The following ANO3 variants were observed in gnomAD, a reference collection of about 807,000 sequenced individuals.
ANO3 encodes the protein anoctamin-3.
Under a neutral mutation model 144.8 loss-of-function variants are expected in ANO3, and 99 were observed. That is an observed-to-expected ratio of 0.68 (90% CI 0.58 to 0.81). The LOEUF (loss-of-function observed/expected upper bound fraction) is 0.81. Among genes scored for constraint, ANO3 ranks in the 30% least tolerant of loss-of-function variants. ANO3 has a pLI of 0.00. For synonymous variants in ANO3, 414 were observed against 392.6 expected (o/e 1.05, Z -0.64); for missense variants, 905 against 1,202.2 (o/e 0.75, Z 3.66).
chr11:26,541,512 C>T (rs940791895), intron 10 of ANO3, among the ~76,000 whole-genome samples: 4 of 152,022 alleles, frequency 2.6e-5, no homozygotes, highest in Non-Finnish European at 4.4e-5. Flanking sequence ...TGAATGAACA[C>T]TTACTCTCTT....
At chr11:26,623,083 T>A (rs1852467895) in intron 17 of ANO3, among the ~76,000 whole-genome samples, 1 of 152,156 alleles carries the variant, frequency 6.6e-6, no homozygotes, top group African/African-American at 2.4e-5. Context: ...ATCCTAAAAT[T>A]TGAAAATTAT....
At chr11:26,322,861 G>T (rs1251774990) in intron 1 of ANO3, among the ~76,000 whole-genome samples, 1 of 151,990 alleles carries the variant, frequency 6.6e-6, no homozygotes, top group Non-Finnish European at 1.5e-5. Flanking sequence ...CCTCTTTTAG[G>T]GTAGAGTGGT....
intron 1 of ANO3, among the ~76,000 whole-genome samples, chr11:26,245,907 A>G (rs911881375): frequency 5.3e-5 from 8 of 152,336 alleles, no homozygotes; most frequent in African/African-American, 1.7e-4. Context: ...TTGTGACAAT[A>G]TATCTGTCCA....
intron 1 of ANO3, among the ~76,000 whole-genome samples, chr11:26,419,628 G>T (rs1015377727): frequency 6.6e-6 from 1 of 152,024 alleles, no homozygotes; most frequent in African/African-American, 2.4e-5. Context: ...CATGAATTTT[G>T]CCCTCATGGA....
intron 18 of ANO3, among the ~76,000 whole-genome samples, chr11:26,633,215 G>A (rs1852842266): frequency 6.6e-6 from 1 of 152,112 alleles, no homozygotes. Flanking sequence ...TCACTCATTT[G>A]AGTACTAAGG....
chr11:26,586,647 C>T (rs139238800), intron 14 of ANO3, among the ~76,000 whole-genome samples: 2,506 of 151,426 alleles, frequency 0.017, 67 homozygotes, highest in African/African-American at 0.056. Context: ...GGACTACAGG[C>T]GCCCGCCACC....
At chr11:26,585,294 G>T (rs1471459819) in intron 14 of ANO3, among the ~76,000 whole-genome samples, 1 of 151,936 alleles carries the variant, frequency 6.6e-6, no homozygotes, top group East Asian at 1.9e-4. Flanking sequence ...TATATATATA[G>T]GCATTATTTA....
At chr11:26,349,193 G>C (rs1855571830) in intron 1 of ANO3, among the ~76,000 whole-genome samples, 2 of 152,108 alleles carry the variant, frequency 1.3e-5, no homozygotes, top group Non-Finnish European at 2.9e-5. Context: ...TTTGTAGCAG[G>C]CACCTTAATC....
chr11:26,328,953 T>C (rs1167410080), upstream of ANO3, among the ~76,000 whole-genome samples: 1 of 152,188 alleles, frequency 6.6e-6, no homozygotes, highest in Non-Finnish European at 1.5e-5. Context: ...GCTTTTTTTT[T>C]CTACTTTGGA....
At chr11:26,265,837 C>T (rs923469737) in intron 1 of ANO3, among the ~76,000 whole-genome samples, 35 of 152,104 alleles carry the variant, frequency 2.3e-4, no homozygotes, top group African/African-American at 7.2e-4. Context: ...GCAAAATGCA[C>T]GACAAAGTAT....
chr11:26,323,941 A>G (rs888001589), intron 1 of ANO3, among the ~76,000 whole-genome samples: 2 of 152,222 alleles, frequency 1.3e-5, no homozygotes, highest in African/African-American at 2.4e-5. Context: ...GAAACACAGT[A>G]GCTGTGAAAA....
At chr11:26,197,332 T>C (rs1851608686) in intron 1 of ANO3, among the ~76,000 whole-genome samples, 1 of 151,154 alleles carries the variant, frequency 6.6e-6, no homozygotes, top group Non-Finnish European at 1.5e-5. Context: ...ATATGGGTAG[T>C]TTAATATTTT....
At chr11:26,644,493 A>G (rs556828824) in intron 23 of ANO3, among the ~76,000 whole-genome samples, 1 of 152,324 alleles carries the variant, frequency 6.6e-6, no homozygotes, top group Admixed American at 6.5e-5. Context: ...CACCTGTTCA[A>G]AGAGTATGCA....
intron 1 of ANO3, among the ~76,000 whole-genome samples, chr11:26,429,492 G>A (rs550591863): frequency 6.9e-5 from 10 of 144,952 alleles, no homozygotes; most frequent in African/African-American, 2.5e-4. Context: ...TGTAGAGAAT[G>A]AAGTAAATAT....
In ANO3 at chr11:26,442,009, C is replaced by T; in HGVS notation, c.138C>T (p.Tyr46=). The T allele has an allele frequency of 1.2e-6, 2 of 1,614,178 alleles. No individual in the cohort carries two copies. The highest frequency in any genetic ancestry group is 1.1e-5 in the South Asian group (1 of 91,078). ...SLPCLAQSYA[Y]SKSLSQSTSL... ...CTTGCCTCGCCCAGAGCTACGCTTACTCAAAGAGCTTGAGCCAGTCTACTT... is the reference window on the plus strand; with the variant it reads ...CTTGCCTCGCCCAGAGCTACGCTTATTCAAAGAGCTTGAGCCAGTCTACTT... The change falls in exon 2 of 27, where the codon TAC becomes TAT. Residue 46 remains tyrosine (Y), a synonymous_variant. Transcript: ENST00000256737.
intron 18 of ANO3, among the ~76,000 whole-genome samples, chr11:26,632,440 T>C (rs1253403223): frequency 1.4e-5 from 2 of 147,780 alleles, no homozygotes; most frequent in African/African-American, 5.0e-5. Flanking sequence ...CACTTGAACC[T>C]GGGAGGCAGA....
intron 4 of ANO3, among the ~76,000 whole-genome samples, chr11:26,467,169 G>C (rs187781162): frequency 6.6e-6 from 1 of 151,748 alleles, no homozygotes; most frequent in Admixed American, 6.6e-5. Context: ...ATTTTTCTGG[G>C]TACAGAGTAA....
At chr11:26,640,300 C>G (rs1048534142) in intron 21 of ANO3, among the ~76,000 whole-genome samples, 1 of 152,084 alleles carries the variant, frequency 6.6e-6, no homozygotes, top group African/African-American at 2.4e-5. Context: ...CTTTTTAAAC[C>G]TTCATCATAA....
chr11:26,561,020 G>A (rs868108700), intron 14 of ANO3: 2 of 1,553,304 alleles, frequency 1.3e-6, no homozygotes, highest in African/African-American at 1.4e-5. Context: ...CAAAAGGCTA[G>A]GATGTAGATG....
Sources: allele counts gnomAD v4.1 joint callset (sites outside exome capture counted in the v4.1 genomes callset), GRCh38; gene constraint gnomAD v4.1.1; transcripts MANE v1.5; gene names NCBI Gene and HGNC (gene_info 2026-07-23, HGNC 2026-07-21).